CAB39: variants seen among roughly 807,000 people sequenced by gnomAD.
CAB39 encodes calcium-binding protein 39.
A neutral mutation model predicts 40.0 loss-of-function variants in CAB39; 8 were observed. The observed-to-expected ratio is 0.20, with a 90% CI of 0.12 to 0.36. The LOEUF (loss-of-function observed/expected upper bound fraction) is 0.36. Among genes scored for constraint, CAB39 ranks in the 10% least tolerant of loss-of-function variants. The probability of loss-of-function intolerance (pLI) is 1.00; values close to 1 mark genes in which losing one functional copy is unlikely to be tolerated. For synonymous variants in CAB39, 156 were observed against 141.6 expected, an observed-to-expected ratio of 1.10 and a Z score of -0.72; for missense variants, 270 against 401.1, an observed-to-expected ratio of 0.67 and a Z score of 2.79.
chr2:230,793,417 G>A (rs1695924921), intron 4 of CAB39, 86 bp downstream of exon 4: 6 of 585,422 alleles, frequency 1.0e-5, no homozygotes, highest in African/African-American at 3.8e-5. Context: ...GCTGAATGTG[G>A]GAAGCATTTT....
intron 1 of CAB39, among the ~76,000 whole-genome samples, chr2:230,740,723 T>G (rs981742487): frequency 6.6e-6 from 1 of 152,154 alleles, no homozygotes; most frequent in African/African-American, 2.4e-5. Context: ...GATCTGACAG[T>G]AGGCAGAGCT....
chr2:230,778,083 GT>G (rs937310447), intron 2 of CAB39, among the ~76,000 whole-genome samples: 13 of 152,298 alleles, frequency 8.5e-5, no homozygotes, highest in Admixed American at 2.0e-4. Context: ...AGAATCTTTT[GT>G]AAGGTTTTTA....
At chr2:230,810,146 G>A in intron 5 of CAB39, 117 bp from the exon 6 acceptor site, 3 of 569,506 alleles carry the variant, frequency 5.3e-6, no homozygotes, top group Non-Finnish European at 9.5e-6. Flanking sequence ...ATGCTAAAAT[G>A]TTAAGTATGG....
In CAB39 at chr2:230,718,632, T is replaced by C. The variant is rs763393735; in HGVS notation, c.-44+5402T>C. ...CTGAGAGGGTTGTAGGACGATTAAA[T>C]GAGTTGCTACATCTGATGTGCTGCC... is the stretch of plus-strand genomic sequence containing the variant. On this transcript the variant is annotated intron_variant, in intron 1 of 8. Transcript: ENST00000258418. 9.8e-4 allele frequency among the ~76,000 whole-genome samples: 149 copies of C among 152,190 alleles called. 1 individual carries two copies. The highest frequency in any genetic ancestry group is 5.4e-4 in the Non-Finnish European group (37 of 68,026).
intron 1 of CAB39, among the ~76,000 whole-genome samples, chr2:230,744,517 C>G (rs1027741393): frequency 6.6e-6 from 1 of 152,052 alleles, no homozygotes; most frequent in Non-Finnish European, 1.5e-5. Context: ...TGGTCTTGAT[C>G]TCTTGACCTC....
At chr2:230,762,400 C>T (rs989444882) in intron 2 of CAB39, among the ~76,000 whole-genome samples, 3 of 152,254 alleles carry the variant, frequency 2.0e-5, no homozygotes, top group Non-Finnish European at 4.4e-5. Context: ...TGACCTCCCT[C>T]TCACAGTTGG....
At chr2:230,740,614 A>G (rs1694859533) in intron 1 of CAB39, among the ~76,000 whole-genome samples, 2 of 152,094 alleles carry the variant, frequency 1.3e-5, no homozygotes, top group Non-Finnish European at 2.9e-5. Context: ...ACCTCAGACC[A>G]TCAAGCATTA....
chr2:230,740,956 T>TC (rs755632978), intron 1 of CAB39, among the ~76,000 whole-genome samples: 2 of 152,192 alleles, frequency 1.3e-5, no homozygotes, highest in Non-Finnish European at 2.9e-5. Flanking sequence ...TAACATAATT[T>TC]AAGATCACAT....
At position 230,820,982 on chromosome 2, in the gene CAB39, G is replaced by A. The variant is rs1696498996; in HGVS notation, c.*2278G>A. ...TACATTTGTTAACAATGCCATGAAA[G>A]CATTTTCTTTCTCCTAAGGAAAAGT... is the stretch of plus-strand genomic sequence containing the variant. On this transcript the variant is annotated 3_prime_UTR_variant, in exon 9 of 9. Transcript: ENST00000258418. The A allele has an allele frequency of 6.6e-6, 1 of 152,598 alleles. No individual in the cohort carries two copies. The highest frequency in any genetic ancestry group is 6.5e-5 in the Admixed American group (1 of 15,278). The allele number at this position is 152,598 out of a possible 1,614,324, so 9.5% of individuals were successfully genotyped here. A position where few individuals can be genotyped will look rare whatever the true frequency, so the allele number is the denominator to read the frequency against.
intron 5 of CAB39, among the ~76,000 whole-genome samples, chr2:230,808,078 T>G (rs1696235181): frequency 6.7e-6 from 1 of 149,318 alleles, no homozygotes; most frequent in African/African-American, 2.5e-5. Context: ...TTTCTTTTCT[T>G]TTTTTTTTTA....
At chr2:230,715,977 G>A (rs1298568631) in intron 1 of CAB39, among the ~76,000 whole-genome samples, 1 of 152,212 alleles carries the variant, frequency 6.6e-6, no homozygotes, top group Non-Finnish European at 1.5e-5. Context: ...GATTACAGGC[G>A]TGAGCCACCA....
chr2:230,775,688 T>TG (rs1695573401), intron 2 of CAB39, among the ~76,000 whole-genome samples: 1 of 152,228 alleles, frequency 6.6e-6, no homozygotes, highest in Non-Finnish European at 1.5e-5. Context: ...GCATTGGAGT[T>TG]AACGTTTTCC....
intron 1 of CAB39, among the ~76,000 whole-genome samples, chr2:230,729,216 A>G (rs910050928): frequency 6.6e-6 from 1 of 152,252 alleles, no homozygotes; most frequent in South Asian, 2.1e-4. Flanking sequence ...CTCTGGCTAT[A>G]TCATCCCAAT....
chr2:230,755,297 A>G (rs1037169845), intron 1 of CAB39, among the ~76,000 whole-genome samples: 1 of 152,172 alleles, frequency 6.6e-6, no homozygotes, highest in South Asian at 2.1e-4. Context: ...CCATTCCAAT[A>G]TATACTGTTT....
intron 1 of CAB39, among the ~76,000 whole-genome samples, chr2:230,756,578 TTGA>T (rs1293924506): frequency 2.0e-5 from 3 of 152,200 alleles, no homozygotes; most frequent in Non-Finnish European, 4.4e-5. Context: ...TTATTAAGAG[TTGA>T]TGAGCCTAAG....
intron 2 of CAB39, among the ~76,000 whole-genome samples, chr2:230,784,572 G>A (rs1695754717): frequency 6.6e-6 from 1 of 152,196 alleles, no homozygotes; most frequent in Admixed American, 6.5e-5. Flanking sequence ...AGGAGACAGA[G>A]AAGGAGCAAC....
chr2:230,793,214 G>T lies in CAB39; in HGVS notation c.281G>T (p.Gly94Val). The T allele has an allele frequency of 1.3e-6, 2 of 1,589,392 alleles. No individual in the cohort carries two copies. The highest frequency in any genetic ancestry group is 1.3e-5 in the African/African-American group (1 of 74,462). ...VADLQLIDFE[G>V]KKDVAQIFNN... ...TGTTAATGATTGTATTCCTAATAGGGCAAAAAAGACGTGGCTCAAATTTTC... is the reference window on the plus strand; with the variant it reads ...TGTTAATGATTGTATTCCTAATAGGTCAAAAAAGACGTGGCTCAAATTTTC... The change falls in exon 4 of 9, where the codon GGC (glycine) becomes GTC (valine). Residue 94 changes from glycine to valine, a missense_variant and splice_region_variant. By Grantham distance (109) the Gly-to-Val change is moderately radical (BLOSUM62 -3). Transcript: ENST00000258418.
At chr2:230,743,074 T>A (rs1467711027) in intron 1 of CAB39, among the ~76,000 whole-genome samples, 2 of 152,238 alleles carry the variant, frequency 1.3e-5, no homozygotes, top group African/African-American at 4.8e-5. Flanking sequence ...CCGTTCCTTA[T>A]GAATAGCTTT....
At chr2:230,749,569 A>G (rs959880573) in intron 1 of CAB39, among the ~76,000 whole-genome samples, 13 of 152,342 alleles carry the variant, frequency 8.5e-5, no homozygotes, top group South Asian at 2.1e-4. Flanking sequence ...TGTATAGATA[A>G]AGATGGGATT....
Sources: gnomAD v4.1 joint callset for allele counts (sites outside exome capture counted in the v4.1 genomes callset) on GRCh38, gnomAD v4.1.1 for gene constraint, MANE v1.5 for transcripts, NCBI Gene and HGNC (gene_info 2026-07-23, HGNC 2026-07-21) for gene names.